The following CNBD1 variants were observed in gnomAD, a reference collection of about 807,000 sequenced individuals.
CNBD1 encodes the protein cyclic nucleotide-binding domain-containing protein 1.
In CNBD1, 71 loss-of-function variants were observed where a neutral mutation model predicts 54.4. That is an observed-to-expected ratio of 1.30 (90% CI 1.08 to 1.59). The LOEUF is 1.59. Among genes scored for constraint, CNBD1 ranks in the 40% most tolerant of loss-of-function variants. The pLI is 0.00. For synonymous variants in CNBD1, 182 were observed against 170.7 expected (o/e 1.07, Z -0.51); for missense variants, 659 against 518.0 (o/e 1.27, Z -2.64).
At chr8:87,418,417 G>C (rs1807871246) in intron 2 of CNBD1, among the ~76,000 whole-genome samples, 1 of 151,890 alleles carries the variant, frequency 6.6e-6, no homozygotes, top group South Asian at 2.1e-4. Flanking sequence ...TTAGAAGGAA[G>C]CATAGATGTA....
chr8:87,357,861 G>A (rs556708139), intron 10 of CNBD1, among the ~76,000 whole-genome samples: 1 of 152,110 alleles, frequency 6.6e-6, no homozygotes, highest in Non-Finnish European at 1.5e-5. Context: ...GTTAGAGGTG[G>A]GGACTGGTGA....
At chr8:87,422,105 C>T (rs1341223171) in intron 2 of CNBD1, among the ~76,000 whole-genome samples, 1 of 146,624 alleles carries the variant, frequency 6.8e-6, no homozygotes, top group Non-Finnish European at 1.5e-5. Flanking sequence ...ATCCTTCACC[C>T]ACTTTTTGAT....
rs1813972767 is a variant in CNBD1 at position 87,206,226 on chromosome 8, C to CTTAACAAT, written c.577+91_577+98dup. On this transcript the variant is annotated intron_variant, in intron 5 of 10. Coordinates refer to ENST00000518476, the MANE Select transcript of CNBD1 (RefSeq NM_173538.3). ...TATCATTATAATGCTTATAATTTCA[C>CTTAACAAT]TTAACAATTTCAGTTGACATGGTAA... 3.8e-6 allele frequency: 4 copies of CTTAACAAT among 1,049,182 alleles called. No individual in the cohort carries two copies. In the South Asian group the frequency reaches 7.9e-5, roughly 21 times the overall value. 65.0% of individuals were successfully genotyped at this position (1,049,182 alleles called of 1,614,324 possible).
chr8:87,195,296 T>C (rs1166127846), intron 4 of CNBD1, among the ~76,000 whole-genome samples: 1 of 151,244 alleles, frequency 6.6e-6, no homozygotes, highest in African/African-American at 2.4e-5. Flanking sequence ...TGGCACAATC[T>C]TGGCTGTCTG....
intron 4 of CNBD1, among the ~76,000 whole-genome samples, chr8:86,944,156 T>C (rs1012521936): frequency 1.3e-5 from 2 of 152,210 alleles, no homozygotes; most frequent in Non-Finnish European, 2.9e-5. Flanking sequence ...GGGGAAATGA[T>C]GATAAGTAAA....
At chr8:86,961,566 G>A (rs1475201664) in intron 4 of CNBD1, among the ~76,000 whole-genome samples, 2 of 152,220 alleles carry the variant, frequency 1.3e-5, no homozygotes, top group African/African-American at 2.4e-5. Flanking sequence ...CTCTGCCAAG[G>A]GCATCCCGTT....
chr8:87,401,317 A>T (rs750967287), intron 2 of CNBD1, among the ~76,000 whole-genome samples: 3 of 152,004 alleles, frequency 2.0e-5, no homozygotes, highest in Non-Finnish European at 4.4e-5. Flanking sequence ...AAAATCAAAG[A>T]GATTGCTAAT....
intron 4 of CNBD1, among the ~76,000 whole-genome samples, chr8:87,032,002 A>G (rs1809805312): frequency 1.3e-5 from 2 of 152,132 alleles, no homozygotes; most frequent in South Asian, 4.1e-4. Context: ...CAGCCTCCCA[A>G]ACTGCTGGGA....
intron 4 of CNBD1, among the ~76,000 whole-genome samples, chr8:86,986,506 CTTTAA>C (rs140121693): frequency 0.02 from 3,096 of 152,166 alleles, 92 homozygotes; most frequent in African/African-American, 0.069. Context: ...TGCAGAAGCT[CTTTAA>C]TTTAATTAGG....
At chr8:87,095,182 A>T (rs550080976) in intron 4 of CNBD1, among the ~76,000 whole-genome samples, 79 of 152,368 alleles carry the variant, frequency 5.2e-4, no homozygotes, top group African/African-American at 1.8e-3. Flanking sequence ...CTACAGTGTC[A>T]TATTTCTACA....
chr8:87,075,558 C>A (rs560117117), intron 4 of CNBD1, among the ~76,000 whole-genome samples: 9 of 152,162 alleles, frequency 5.9e-5, no homozygotes, highest in African/African-American at 2.2e-4. Flanking sequence ...TTGTTTTTTT[C>A]AGACATTGTT....
chr8:86,901,327 C>T (rs565215803), intron 2 of CNBD1, among the ~76,000 whole-genome samples: 1 of 151,310 alleles, frequency 6.6e-6, no homozygotes, highest in Admixed American at 6.6e-5. Context: ...ATTTGTAAGA[C>T]AAATTCAGGA....
chr8:87,381,711 A>T (rs1046008350), intron 10 of CNBD1, among the ~76,000 whole-genome samples: 6 of 152,144 alleles, frequency 3.9e-5, no homozygotes, highest in Middle Eastern at 3.4e-3. Context: ...AATAGGAGAG[A>T]TGAGCCTTGA....
At chr8:87,223,330 T>C (rs1046290495) in intron 5 of CNBD1, among the ~76,000 whole-genome samples, 3 of 151,996 alleles carry the variant, frequency 2.0e-5, no homozygotes, top group South Asian at 2.1e-4. Flanking sequence ...CATGCTGGTG[T>C]GCTGCACCCA....
chr8:87,277,563 C>G (rs1808509916), intron 6 of CNBD1, among the ~76,000 whole-genome samples: 1 of 151,686 alleles, frequency 6.6e-6, no homozygotes, highest in Non-Finnish European at 1.5e-5. Context: ...TTTCGCCAGT[C>G]TCATGTATTT....
intron 4 of CNBD1, among the ~76,000 whole-genome samples, chr8:87,202,680 T>A (rs914465114): frequency 6.6e-6 from 1 of 151,526 alleles, no homozygotes; most frequent in Non-Finnish European, 1.5e-5. Context: ...GACCTGGGGG[T>A]TGGGGTGAGG....
chr8:86,912,003 G>A (rs192464127), intron 3 of CNBD1, among the ~76,000 whole-genome samples: 5 of 151,928 alleles, frequency 3.3e-5, no homozygotes, highest in South Asian at 2.1e-4. Context: ...TCCATGCCCC[G>A]GACTGCAAGA....
At chr8:87,072,052 T>C (rs1810769470) in intron 4 of CNBD1, among the ~76,000 whole-genome samples, 1 of 152,326 alleles carries the variant, frequency 6.6e-6, no homozygotes, top group South Asian at 2.1e-4. Flanking sequence ...TTGAACCTTT[T>C]ACCATTATGT....
intron 4 of CNBD1, among the ~76,000 whole-genome samples, chr8:87,161,242 A>G (rs1425009281): frequency 1.3e-5 from 2 of 152,122 alleles, no homozygotes; most frequent in African/African-American, 2.4e-5. Context: ...GAAAGAGTGG[A>G]AGTGAAAGGA....
Sources: allele counts gnomAD v4.1 joint callset (sites outside exome capture counted in the v4.1 genomes callset), GRCh38; gene constraint gnomAD v4.1.1; transcripts MANE v1.5; gene names NCBI Gene and HGNC (gene_info 2026-07-23, HGNC 2026-07-21).